NCOA6: variants seen among roughly 807,000 people sequenced by gnomAD.
NCOA6 encodes nuclear receptor coactivator 6, also known as NRC RAP250.
NCOA6 carries 49 observed loss-of-function variants against 171.4 expected under a neutral mutation model. The observed-to-expected ratio is 0.29, with a 90% CI of 0.23 to 0.36. The LOEUF is 0.36. NCOA6 is among the 10% of genes least tolerant of loss of function. The probability of loss-of-function intolerance (pLI) is 1.00; values close to 1 mark genes in which losing one functional copy is unlikely to be tolerated. For missense variants in NCOA6, 2,248 were observed against 2,554.5 expected (o/e 0.88, Z 2.59); for synonymous variants, 910 against 927.5 (o/e 0.98, Z 0.34).
Position 34,758,982 on chromosome 20 carries a change from GT to G in NCOA6, c.515-50del, listed in dbSNP as rs776246383. 5.0e-5 allele frequency: 77 copies of G among 1,549,508 alleles called. 1 individual carries two copies. Among genetic ancestry groups the G allele is most frequent in the Non-Finnish European group, 6.5e-5 (74 of 1,141,916 alleles). ...GAGTACTGGAATTGGCACAATTTTT[GT>G]TTTTTAATGAGTTATTTCAAGAATA... On this transcript the variant is annotated intron_variant, in intron 5 of 14. Transcript: ENST00000359003.
rs546140550 is a variant in NCOA6, at chr20:34,810,261, C to T, written c.-164+15211G>A. ...AATAGTCAAGGTTACATGATTTGTC[C>T]TAGGTCACAGATATAGTTAGCTACA... is the stretch of plus-strand genomic sequence containing the variant. On this transcript the variant is annotated intron_variant, in intron 1 of 14. Transcript: ENST00000359003. 9.9e-5 allele frequency among the ~76,000 whole-genome samples: 15 copies of T among 152,266 alleles called. No individual in the cohort carries two copies. In the East Asian group the frequency reaches 1.9e-3, roughly 20 times the overall value.
intron 13 of NCOA6, among the ~76,000 whole-genome samples, chr20:34,732,162 T>C (rs1229343307): frequency 2.6e-5 from 4 of 152,248 alleles, no homozygotes; most frequent in Non-Finnish European, 4.4e-5. Context: ...TTGGGTCAGA[T>C]CCTGCCTGGC....
rs201837457 is a variant in NCOA6 at position 34,741,162 on chromosome 20, G to A, written c.5094C>T (p.Gly1698=). 29 of 1,614,114 alleles carry A rather than the reference G, an allele frequency of 1.8e-5. No homozygotes were observed. The highest frequency in any genetic ancestry group is 5.3e-5 in the African/African-American group (4 of 74,944). The change falls in exon 11 of 15, where the codon GGC becomes GGT. Residue 1698 remains glycine, a synonymous_variant. Coordinates refer to ENST00000359003, the MANE Select transcript of NCOA6 (RefSeq NM_014071.5). ...TTATGTTCTGAGGTATGTGTAAAGG[G>A]CCAACAACTGCAACAGAGGGAGGCA... ...GLMPPSVAVV[G]PLHIPQNIKF...
At chr20:34,755,816 A>ACCT (rs1163808248) in intron 7 of NCOA6, among the ~76,000 whole-genome samples, 3 of 151,974 alleles carry the variant, frequency 2.0e-5, no homozygotes, top group Non-Finnish European at 4.4e-5. Flanking sequence ...GCGCACTGCA[A>ACCT]CCTCCTCCTC....
At chr20:34,823,600 T>G (rs2079069337) in intron 1 of NCOA6, among the ~76,000 whole-genome samples, 1 of 152,200 alleles carries the variant, frequency 6.6e-6, no homozygotes, top group Admixed American at 6.5e-5. Context: ...CAACTTCAAT[T>G]AATAAAATAG....
intron 3 of NCOA6, among the ~76,000 whole-genome samples, chr20:34,780,423 T>A (rs1159276034): frequency 6.6e-6 from 1 of 152,078 alleles, no homozygotes; most frequent in Non-Finnish European, 1.5e-5. Context: ...AGTGGCATGA[T>A]CTCGGCTCAC....
chr20:34,811,031 C>T (rs549681752), intron 1 of NCOA6, among the ~76,000 whole-genome samples: 1 of 151,184 alleles, frequency 6.6e-6, no homozygotes, highest in African/African-American at 2.4e-5. Context: ...GGGTTTTAGT[C>T]ATGGCTGTCC....
At chr20:34,717,328 T>A (rs1444232776) in intron 14 of NCOA6, among the ~76,000 whole-genome samples, 1 of 152,136 alleles carries the variant, frequency 6.6e-6, no homozygotes, top group African/African-American at 2.4e-5. Context: ...TGCATGCCTG[T>A]AATCCCAGTT....
chr20:34,736,645 T>C (rs376478233), intron 12 of NCOA6, 45 bp downstream of exon 12: 89 of 1,510,572 alleles, frequency 5.9e-5, no homozygotes, highest in Non-Finnish European at 7.7e-5. Flanking sequence ...TTCCTTCACA[T>C]GTAACCCATC....
intron 3 of NCOA6, 48 bp from the exon 4 acceptor site, chr20:34,776,496 AGAG>A (rs752459370): frequency 4.4e-6 from 7 of 1,596,592 alleles, no homozygotes. Flanking sequence ...TTTAGCCACC[AGAG>A]GAGATGGAAT....
In NCOA6 at chr20:34,740,533, C is replaced by T; in HGVS notation, c.5723G>A (p.Gly1908Asp). The change falls in exon 11 of 15, where the codon GGT becomes GAT. Residue 1908 changes from glycine to aspartate, a missense_variant. Transcript: ENST00000359003. Reference protein sequence around the residue: ...TASAGPSLPGGALPTSVRSIV... With the variant: ...TASAGPSLPGDALPTSVRSIV... ...CGAGCGTACACTGGTGGGGAGAGCACCGCCAGGTAAGCTGGGTCCTGCTGA... is the reference window on the plus strand; with the variant it reads ...CGAGCGTACACTGGTGGGGAGAGCATCGCCAGGTAAGCTGGGTCCTGCTGA... 6.2e-7 allele frequency: 1 copy of T among 1,613,976 alleles called. No homozygotes were observed. Among genetic ancestry groups the T allele is most frequent in the Non-Finnish European group, 8.5e-7 (1 of 1,179,864 alleles).
chr20:34,796,385 T>C (rs1020738601), intron 1 of NCOA6, among the ~76,000 whole-genome samples: 2 of 151,998 alleles, frequency 1.3e-5, no homozygotes, highest in Non-Finnish European at 2.9e-5. Context: ...CTGGGGGTGC[T>C]GAGGAGGGCA....
At chr20:34,825,354 C>G (rs1190130611) in intron 1 of NCOA6, 118 bp downstream of exon 1, 1 of 150,068 alleles carries the variant, frequency 6.7e-6, no homozygotes, top group African/African-American at 2.4e-5. Context: ...CTCGGTCGCC[C>G]GGCGCCATTT....
chr20:34,789,667 T>C (rs898008285), intron 2 of NCOA6, among the ~76,000 whole-genome samples: 4 of 152,000 alleles, frequency 2.6e-5, no homozygotes, highest in Non-Finnish European at 4.4e-5. Context: ...CAGCAACTCA[T>C]GAGGCTGAGG....
chr20:34,727,133 A>G, intron 14 of NCOA6, 126 bp downstream of exon 14: 2 of 1,147,422 alleles, frequency 1.7e-6, no homozygotes, highest in Non-Finnish European at 2.5e-6. Context: ...CAGGTAGTAG[A>G]AGACAAAGAC....
At chr20:34,775,672 CAAAAAAAAAAAAAAAAAAAA>C (rs2077295138) in intron 4 of NCOA6, among the ~76,000 whole-genome samples, 1 of 77,572 alleles carries the variant, frequency 1.3e-5, no homozygotes, top group Non-Finnish European at 2.5e-5. Flanking sequence ...GACTCTGTCT[CAAAAAAAAAAAAAAAAAAAA>C]GAAAAAAAAA....
At chr20:34,811,540 G>GTATC (rs2078664959) in intron 1 of NCOA6, among the ~76,000 whole-genome samples, 1 of 151,982 alleles carries the variant, frequency 6.6e-6, no homozygotes, top group South Asian at 2.1e-4. Flanking sequence ...TGAGAAATAT[G>GTATC]TATCTCTCAA....
At chr20:34,771,793 T>C (rs977599971) in intron 4 of NCOA6, among the ~76,000 whole-genome samples, 3 of 152,212 alleles carry the variant, frequency 2.0e-5, no homozygotes, top group Non-Finnish European at 4.4e-5. Flanking sequence ...TCAATTTTCA[T>C]GTAATCTTAA....
At chr20:34,766,292 A>C (rs2076979379) in intron 5 of NCOA6, among the ~76,000 whole-genome samples, 1 of 152,122 alleles carries the variant, frequency 6.6e-6, no homozygotes, top group South Asian at 2.1e-4. Context: ...AAAGCTTCTC[A>C]GTTTCCTAGG....
Sources: allele counts gnomAD v4.1 joint callset (sites outside exome capture counted in the v4.1 genomes callset), GRCh38; gene constraint gnomAD v4.1.1; transcripts MANE v1.5; gene names NCBI Gene and HGNC (gene_info 2026-07-23, HGNC 2026-07-21).